CLCN5: variants seen among roughly 807,000 people sequenced by gnomAD.
The protein encoded by CLCN5 is Cl-/H+ antiporter 5.
In CLCN5, 17 loss-of-function variants were observed where a neutral mutation model predicts 54.0. The observed-to-expected ratio is 0.31, with a 90% CI of 0.22 to 0.47. The LOEUF (loss-of-function observed/expected upper bound fraction) is 0.47. CLCN5 is among the 20% of genes least tolerant of loss of function. The probability of loss-of-function intolerance (pLI) is 1.00; values close to 1 mark genes in which losing one functional copy is unlikely to be tolerated. For synonymous variants in CLCN5, 222 were observed against 233.0 expected, an observed-to-expected ratio of 0.95 and a Z score of 0.43; for missense variants, 448 against 646.7, an observed-to-expected ratio of 0.69 and a Z score of 3.33.
intron 3 of CLCN5, among the ~76,000 whole-genome samples, chrX:50,033,839 T>C (rs782321613): frequency 9.8e-5 from 11 of 111,851 alleles, no homozygotes; most frequent in Middle Eastern, 4.6e-3. Context: ...GGGTCCTCAG[T>C]AATTTTGATG....
intron 7 of CLCN5, among the ~76,000 whole-genome samples, chrX:50,079,901 A>T (rs1933612127): frequency 1.8e-5 from 2 of 111,288 alleles, no homozygotes; most frequent in African/African-American, 6.6e-5. Context: ...TGTATACTAA[A>T]AATTTGCTAA....
In CLCN5 at chrX:49,993,929, A is replaced by G. The variant is rs1297034012; in HGVS notation, c.17-48387A>G. On this transcript the variant is annotated intron_variant, in intron 3 of 14. Coordinates refer to ENST00000376091, the MANE Select transcript of CLCN5 (RefSeq NM_001127898.4). ...CCACAGGGAATGGCCTTGGAGAGTA[A>G]TAACCTAAGGAAAAGGCCAGGACAT... 3.6e-5 allele frequency among the ~76,000 whole-genome samples: 4 copies of G among 111,762 alleles called. No homozygotes were observed. In the East Asian group the frequency reaches 1.1e-3, roughly 31 times the overall value.
intron 4 of CLCN5, among the ~76,000 whole-genome samples, chrX:50,056,786 T>A (rs1932756650): frequency 8.9e-6 from 1 of 111,936 alleles, no homozygotes; most frequent in Non-Finnish European, 1.9e-5. Context: ...GGTGTTAGAA[T>A]CTGAATTCAT....
At chrX:49,925,380 A>G in intron 3 of CLCN5, 66 bp downstream of exon 3, 5 of 1,051,701 alleles carry the variant, frequency 4.8e-6, no homozygotes, top group Non-Finnish European at 6.6e-6. Context: ...CCCTCACCCA[A>G]CCGTTCCCCA....
chrX:49,987,832 A>T (rs1417516517), intron 3 of CLCN5, among the ~76,000 whole-genome samples: 1 of 111,652 alleles, frequency 9.0e-6, no homozygotes, highest in African/African-American at 3.3e-5. Context: ...CCTCCCCTCA[A>T]CCATGGTCCT....
At chrX:49,975,313 A>G (rs1346102915) in intron 3 of CLCN5, among the ~76,000 whole-genome samples, 1 of 111,952 alleles carries the variant, frequency 8.9e-6, no homozygotes, top group Non-Finnish European at 1.9e-5. Flanking sequence ...GGCTAGTAGA[A>G]AGAAAATCAA....
At chrX:50,080,430 G>A (rs1200911267) in intron 7 of CLCN5, among the ~76,000 whole-genome samples, 164 bp from the exon 8 acceptor site, 1 of 104,845 alleles carries the variant, frequency 9.5e-6, no homozygotes, top group Non-Finnish European at 1.9e-5. Context: ...GCCTGACAGT[G>A]TTTCAGTAGT....
At chrX:49,935,423 T>C (rs782074419) in intron 3 of CLCN5, among the ~76,000 whole-genome samples, 27 of 112,373 alleles carry the variant, frequency 2.4e-4, no homozygotes, top group Non-Finnish European at 4.5e-4. Flanking sequence ...AGGCAGGCAC[T>C]GTGTTGGGTG....
intron 3 of CLCN5, among the ~76,000 whole-genome samples, chrX:50,027,279 G>A (rs782638125): frequency 1.8e-5 from 2 of 111,397 alleles, no homozygotes; most frequent in South Asian, 7.5e-4. Context: ...CTCCCAAAGT[G>A]CTAGGATTAC....
intron 3 of CLCN5, among the ~76,000 whole-genome samples, chrX:50,037,590 G>C (rs1186529593): frequency 8.9e-6 from 1 of 111,809 alleles, no homozygotes; most frequent in Non-Finnish European, 1.9e-5. Context: ...CAACCTGACA[G>C]GTATGAGGAG....
At chrX:50,063,153 AAAATC>A (rs1932889714) in intron 4 of CLCN5, among the ~76,000 whole-genome samples, 1 of 100,861 alleles carries the variant, frequency 9.9e-6, no homozygotes, top group Non-Finnish European at 2.0e-5. Flanking sequence ...AGAAATAACT[AAAATC>A]AGAGCAGAAC....
chrX:50,066,613 C>A (rs782582404), intron 4 of CLCN5, among the ~76,000 whole-genome samples: 15 of 111,710 alleles, frequency 1.3e-4, no homozygotes, highest in South Asian at 3.8e-4. Context: ...TTTTTCTTTA[C>A]CGGACTGACC....
chrX:50,067,059 C>G (rs1161714086), intron 4 of CLCN5, among the ~76,000 whole-genome samples: 1 of 111,636 alleles, frequency 9.0e-6, no homozygotes, highest in Non-Finnish European at 1.9e-5. Context: ...TGGCAGCCCT[C>G]TACTCTGGGT....
At chrX:49,928,818 G>A (rs58604831) in intron 3 of CLCN5, among the ~76,000 whole-genome samples, 12,000 of 110,642 alleles carry the variant, frequency 0.11, 1,626 homozygotes, top group African/African-American at 0.38. Flanking sequence ...CCAGCTACTC[G>A]GGAGGCTGAG....
chrX:50,054,147 T>A (rs1367878350), intron 4 of CLCN5, among the ~76,000 whole-genome samples: 2 of 111,360 alleles, frequency 1.8e-5, no homozygotes, highest in East Asian at 5.6e-4. Context: ...AACTGTGTTT[T>A]GTGGCTGTGA....
At chrX:49,998,221 T>C (rs1271578028) in intron 3 of CLCN5, among the ~76,000 whole-genome samples, 1 of 111,685 alleles carries the variant, frequency 9.0e-6, no homozygotes, top group African/African-American at 3.3e-5. Flanking sequence ...CAGCTGTTAA[T>C]GGCAGAACCA....
intron 3 of CLCN5, among the ~76,000 whole-genome samples, chrX:49,929,185 A>G (rs1925511010): frequency 1.8e-5 from 2 of 111,430 alleles, no homozygotes; most frequent in Admixed American, 9.5e-5. Flanking sequence ...TTCTTGGCTC[A>G]TTGCTGTCTG....
chrX:50,035,321 G>A (rs1339569093), intron 3 of CLCN5, among the ~76,000 whole-genome samples: 1 of 110,970 alleles, frequency 9.0e-6, no homozygotes, highest in Admixed American at 9.7e-5. Context: ...ATAGGGCAAG[G>A]TAAAGATTTA....
intron 4 of CLCN5, among the ~76,000 whole-genome samples, chrX:50,053,250 T>A (rs1437544542): frequency 4.5e-5 from 5 of 111,763 alleles, no homozygotes; most frequent in African/African-American, 6.5e-5. Context: ...TTTTTCTGTT[T>A]CTCCTGTGTA....
Sources: allele counts gnomAD v4.1 joint callset (sites outside exome capture counted in the v4.1 genomes callset), GRCh38; gene constraint gnomAD v4.1.1; transcripts MANE v1.5; gene names NCBI Gene and HGNC (gene_info 2026-07-23, HGNC 2026-07-21).